ARHGAP10: variants seen among roughly 807,000 people sequenced by gnomAD.
ARHGAP10 encodes the protein Rho GTPase activating protein 10, also known as rho GTPase-activating protein 10.
Under a neutral mutation model 108.6 loss-of-function variants are expected in ARHGAP10, and 87 were observed. That is an observed-to-expected ratio of 0.80 (90% CI 0.67 to 0.96). The LOEUF is 0.96. Ranked by LOEUF, ARHGAP10 falls within the 40% of genes least tolerant of loss-of-function variation. The pLI, the probability that ARHGAP10 is intolerant of heterozygous loss-of-function variation, is 0.00. For missense variants in ARHGAP10, 939 were observed against 954.5 expected, an observed-to-expected ratio of 0.98 and a Z score of 0.21; for synonymous variants, 347 against 341.1, an observed-to-expected ratio of 1.02 and a Z score of -0.19.
chr4:147,784,805 T>A (rs1227526038), intron 1 of ARHGAP10, among the ~76,000 whole-genome samples: 1 of 7,250 alleles, frequency 1.4e-4, no homozygotes, highest in African/African-American at 1.7e-4. Flanking sequence ...ATTATAAATA[T>A]AATATATTAT....
At chr4:147,753,756 C>T (rs768997615) in intron 1 of ARHGAP10, among the ~76,000 whole-genome samples, 8 of 151,958 alleles carry the variant, frequency 5.3e-5, no homozygotes, top group Non-Finnish European at 7.4e-5. Flanking sequence ...TTTCCCCTTT[C>T]GAAACTATTT....
intron 1 of ARHGAP10, among the ~76,000 whole-genome samples, chr4:147,800,326 T>A (rs1731527581): frequency 6.6e-6 from 1 of 152,168 alleles, no homozygotes; most frequent in Non-Finnish European, 1.5e-5. Flanking sequence ...GTTTTCCTCA[T>A]GTCTGTGTGC....
chr4:147,937,769 C>A, intron 13 of ARHGAP10, among the ~76,000 whole-genome samples: 1 of 152,126 alleles, frequency 6.6e-6, no homozygotes, highest in East Asian at 1.9e-4. Flanking sequence ...CACCTGAGGT[C>A]AGAAGTTCAA....
intron 7 of ARHGAP10, among the ~76,000 whole-genome samples, chr4:147,871,871 C>T (rs917923580): frequency 7.9e-5 from 12 of 151,970 alleles, no homozygotes; most frequent in South Asian, 2.1e-4. Context: ...GACATTGAGG[C>T]GGGAGGATCA....
At position 148,072,073 on chromosome 4, in the gene ARHGAP10, C is replaced by A. The variant is rs1336585626; in HGVS notation, c.2353C>A (p.Leu785Met). The stretch of plus-strand genomic sequence containing the variant: ...GCTGATTCCACAGAACTACGTCAAG[C>A]TGCTGTAGCTCCTGGCCTCAGAGCC... ...RGLIPQNYVKLL is the reference protein window; with the variant it reads ...RGLIPQNYVKML Residue 785 changes from leucine to methionine, a missense_variant, in exon 23 of 23, where the codon CTG becomes ATG. Transcript: ENST00000336498. 1.2e-6 allele frequency: 2 copies of A among 1,612,370 alleles called. No individual in the cohort carries two copies. The highest frequency in any genetic ancestry group is 1.7e-6 in the Non-Finnish European group (2 of 1,179,458).
chr4:147,964,542 T>C (rs1739132073), intron 16 of ARHGAP10, among the ~76,000 whole-genome samples: 1 of 152,172 alleles, frequency 6.6e-6, no homozygotes, highest in South Asian at 2.1e-4. Context: ...CCAAGTACAG[T>C]TTAAAACAGC....
intron 7 of ARHGAP10, among the ~76,000 whole-genome samples, chr4:147,870,553 G>A (rs998103199): frequency 1.9e-5 from 2 of 106,922 alleles, no homozygotes; most frequent in Non-Finnish European, 3.7e-5. Context: ...TATTGTAAAA[G>A]TGGCTAGACT....
chr4:147,926,862 A>G (rs995843102), intron 13 of ARHGAP10, among the ~76,000 whole-genome samples: 4 of 152,154 alleles, frequency 2.6e-5, no homozygotes, highest in African/African-American at 9.7e-5. Flanking sequence ...AGAAACAACC[A>G]TTGGGTTTAG....
intron 10 of ARHGAP10, among the ~76,000 whole-genome samples, chr4:147,885,896 C>T (rs1205741480): frequency 6.6e-6 from 1 of 152,138 alleles, no homozygotes; most frequent in Non-Finnish European, 1.5e-5. Context: ...GTTTAGCTCC[C>T]TAATCCTAAA....
At chr4:147,937,732 C>G (rs1364376054) in intron 13 of ARHGAP10, among the ~76,000 whole-genome samples, 1 of 152,230 alleles carries the variant, frequency 6.6e-6, no homozygotes, top group African/African-American at 2.4e-5. Context: ...GTAATCCCAG[C>G]ACTTTGGGAG....
At chr4:147,902,117 C>T (rs531731827) in intron 10 of ARHGAP10, among the ~76,000 whole-genome samples, 2 of 152,316 alleles carry the variant, frequency 1.3e-5, no homozygotes, top group East Asian at 1.9e-4. Flanking sequence ...CTTTCATACT[C>T]ATCATTTTGT....
chr4:147,832,226 G>C (rs1005543314), intron 3 of ARHGAP10, among the ~76,000 whole-genome samples: 1 of 152,084 alleles, frequency 6.6e-6, no homozygotes, highest in Admixed American at 6.5e-5. Context: ...AAATATTTCG[G>C]GATGAGCCAA....
chr4:147,878,291 T>C (rs1735161993), intron 8 of ARHGAP10, among the ~76,000 whole-genome samples: 1 of 152,172 alleles, frequency 6.6e-6, no homozygotes, highest in Admixed American at 6.5e-5. Flanking sequence ...GAGACAGGGT[T>C]TCACAACGTT....
chr4:148,023,303 C>T lies in ARHGAP10; in HGVS notation c.1757C>T (p.Thr586Ile), dbSNP rs766867810. ...TPPDTTFPEP[T>I]CLSASPPNAP... Reference sequence around the variant, plus strand: ...CCCGATACTACATTCCCTGAGCCCACCTGCCTGTCAGCATCACCCCCAAAT... The same window carrying T: ...CCCGATACTACATTCCCTGAGCCCATCTGCCTGTCAGCATCACCCCCAAAT... Residue 586 changes from threonine to isoleucine, a missense_variant, in exon 19 of 23, where the codon ACC (threonine) becomes ATC (isoleucine). Physicochemically the swap from Thr to Ile is moderately conservative, Grantham distance 89. Transcript: ENST00000336498. 1 of 1,614,172 alleles carries T rather than the reference C, an allele frequency of 6.2e-7. No homozygotes were observed.
intron 20 of ARHGAP10, among the ~76,000 whole-genome samples, chr4:148,054,671 G>C (rs1475174610): frequency 6.6e-6 from 1 of 152,202 alleles, no homozygotes; most frequent in East Asian, 1.9e-4. Flanking sequence ...TTCTCTCCTA[G>C]CCTCTTGCTT....
intron 4 of ARHGAP10, among the ~76,000 whole-genome samples, chr4:147,852,934 GA>G (rs1375482831): frequency 6.6e-6 from 1 of 151,838 alleles, no homozygotes; most frequent in East Asian, 1.9e-4. Flanking sequence ...TGGTCAGGCT[GA>G]TTTCAAACTC....
intron 18 of ARHGAP10, among the ~76,000 whole-genome samples, chr4:148,022,886 A>G (rs1252544292): frequency 1.3e-5 from 2 of 152,228 alleles, no homozygotes; most frequent in Non-Finnish European, 2.9e-5. Flanking sequence ...TTTGGTGTAA[A>G]TATAACCTTC....
At chr4:147,982,498 A>G (rs1170398026) in intron 18 of ARHGAP10, among the ~76,000 whole-genome samples, 1 of 145,928 alleles carries the variant, frequency 6.9e-6, no homozygotes, top group Non-Finnish European at 1.5e-5. Context: ...TCAGCTTCCT[A>G]AGACTGTAGC....
chr4:147,913,084 G>A lies in ARHGAP10; in HGVS notation c.1173G>A (p.Leu391=). 1 of 1,613,430 alleles carries A rather than the reference G, an allele frequency of 6.2e-7. No homozygotes were observed. Among genetic ancestry groups the A allele is most frequent in the Non-Finnish European group, 8.5e-7 (1 of 1,179,448 alleles). ...IIPRPEGNAQ[L]DKMGFTIIRK... Reference sequence around the variant, plus strand: ...AACTGTTTCTTGTAGATGCACAGTTGGATAAGATGGGGTTCACAATTATCA... The same window carrying A: ...AACTGTTTCTTGTAGATGCACAGTTAGATAAGATGGGGTTCACAATTATCA... Residue 391 remains leucine, a synonymous_variant, in exon 13 of 23, where the codon TTG becomes TTA. Transcript: ENST00000336498.
Sources: allele counts gnomAD v4.1 joint callset (sites outside exome capture counted in the v4.1 genomes callset), GRCh38; gene constraint gnomAD v4.1.1; transcripts MANE v1.5; gene names NCBI Gene and HGNC (gene_info 2026-07-23, HGNC 2026-07-21).